The following SLCO5A1 variants were observed in gnomAD, a reference collection of about 807,000 sequenced individuals.
SLCO5A1 encodes solute carrier organic anion transporter family member 5A1.
A neutral mutation model predicts 65.1 loss-of-function variants in SLCO5A1; 39 were observed. The observed-to-expected ratio is 0.60, with a 90% CI of 0.46 to 0.78. The LOEUF is 0.78. Ranked by LOEUF, SLCO5A1 falls within the 30% of genes least tolerant of loss-of-function variation. SLCO5A1 has a pLI of 0.00. For synonymous variants in SLCO5A1, 438 were observed against 415.7 expected (o/e 1.05, Z -0.65); for missense variants, 1,029 against 1,069.4 (o/e 0.96, Z 0.53).
intron 2 of SLCO5A1, among the ~76,000 whole-genome samples, chr8:69,805,707 C>T (rs1447222211): frequency 6.6e-6 from 1 of 152,132 alleles, no homozygotes. Context: ...CCAATATATG[C>T]ACTAGAAATA....
chr8:69,790,191 CAAAAAAAA>C (rs374635955), intron 2 of SLCO5A1, among the ~76,000 whole-genome samples: 2 of 53,716 alleles, frequency 3.7e-5, no homozygotes, highest in African/African-American at 1.1e-4. Flanking sequence ...GACTCCTTCT[CAAAAAAAA>C]AAAAAAAAAA....
intron 5 of SLCO5A1, among the ~76,000 whole-genome samples, chr8:69,707,446 T>C (rs1815021211): frequency 6.6e-6 from 1 of 151,928 alleles, no homozygotes; most frequent in South Asian, 2.1e-4. Context: ...AATAACGAAA[T>C]TGAGGATTCA....
In SLCO5A1 at chr8:69,672,951, G is replaced by T. The variant is rs369446842; in HGVS notation, c.2465C>A (p.Pro822Gln). The T allele has an allele frequency of 1.4e-5, 23 of 1,614,074 alleles. No individual in the cohort carries two copies. The highest frequency in any genetic ancestry group is 1.1e-4 in the East Asian group (5 of 44,892). The change falls in exon 10 of 10, where the codon CCG becomes CAG. Residue 822 changes from proline to glutamine, a missense_variant. Physicochemically the swap from Pro to Gln is moderately conservative, Grantham distance 76. Coordinates refer to ENST00000260126, the MANE Select transcript of SLCO5A1 (RefSeq NM_030958.3). The part of the protein sequence containing the change: ...KGIQCAAQTY[P>Q]GPFPEAISSS... ...ACTTATTGCTTCTGGGAAGGGCCCC[G>T]GGTAGGTCTGTGCTGCGCACTGGAT...
chr8:69,710,407 A>G (rs2959569), intron 5 of SLCO5A1, among the ~76,000 whole-genome samples: 102,192 of 151,398 alleles, frequency 0.67, 35,212 homozygotes, highest in African/African-American at 0.81. Context: ...AAGTTTGGAT[A>G]GAAACTGACA....
At chr8:69,709,281 A>G (rs936951311) in intron 5 of SLCO5A1, among the ~76,000 whole-genome samples, 7 of 152,196 alleles carry the variant, frequency 4.6e-5, no homozygotes, top group Non-Finnish European at 1.0e-4. Flanking sequence ...AAAATAAACT[A>G]AAAAGGGAAT....
At chr8:69,695,482 C>T (rs950517316) in intron 6 of SLCO5A1, among the ~76,000 whole-genome samples, 14 of 151,206 alleles carry the variant, frequency 9.3e-5, no homozygotes, top group African/African-American at 2.7e-4. Flanking sequence ...GATGACAGAG[C>T]GAGATTCCGT....
chr8:69,766,642 C>G (rs1218902028), intron 2 of SLCO5A1, among the ~76,000 whole-genome samples: 1 of 152,216 alleles, frequency 6.6e-6, no homozygotes. Flanking sequence ...TGATGCCTGA[C>G]ATGGCCACCT....
intron 5 of SLCO5A1, among the ~76,000 whole-genome samples, chr8:69,707,214 G>C (rs117934105): frequency 6.6e-6 from 1 of 152,218 alleles, no homozygotes; most frequent in Non-Finnish European, 1.5e-5. Context: ...CAATCTGAAA[G>C]AGAAACAAAC....
chr8:69,813,670 T>C (rs756614191), intron 2 of SLCO5A1, among the ~76,000 whole-genome samples: 9 of 152,190 alleles, frequency 5.9e-5, no homozygotes, highest in Non-Finnish European at 2.9e-5. Context: ...GGGCTTCTAA[T>C]GGCTCAAGGA....
At chr8:69,770,932 G>T (rs1818292795) in intron 2 of SLCO5A1, among the ~76,000 whole-genome samples, 1 of 152,060 alleles carries the variant, frequency 6.6e-6, no homozygotes, top group African/African-American at 2.4e-5. Flanking sequence ...ACTTTCTCCT[G>T]CAGATTTAAC....
In SLCO5A1 at chr8:69,832,261, G is replaced by A. The variant is rs764942965; in HGVS notation, c.413C>T (p.Thr138Ile). Residue 138 changes from threonine (T) to isoleucine (I), a missense_variant, in exon 2 of 10, where the codon ACC becomes ATC. Transcript: ENST00000260126. The surrounding 1 kb of genome is among the most constrained non-coding windows in gnomAD (Gnocchi z 4.5). ...RCFLVCMCFLTFIQALMVSGY... is the reference protein window; with the variant it reads ...RCFLVCMCFLIFIQALMVSGY... ...AGAGACCATTAACGCCTGGATGAAGGTCAGAAAGCACATGCACACCAGGAA... is the reference window on the plus strand; with the variant it reads ...AGAGACCATTAACGCCTGGATGAAGATCAGAAAGCACATGCACACCAGGAA... The A allele has an allele frequency of 1.2e-6, 2 of 1,614,208 alleles. No individual in the cohort carries two copies. The highest frequency in any genetic ancestry group is 8.5e-7 in the Non-Finnish European group (1 of 1,180,034).
At chr8:69,808,920 C>A (rs1457464951) in intron 2 of SLCO5A1, among the ~76,000 whole-genome samples, 1 of 152,068 alleles carries the variant, frequency 6.6e-6, no homozygotes, top group South Asian at 2.1e-4. Context: ...GCCTGACCAA[C>A]ATGATGAAAT....
At chr8:69,781,470 GA>G (rs1158206352) in intron 2 of SLCO5A1, among the ~76,000 whole-genome samples, 2 of 152,172 alleles carry the variant, frequency 1.3e-5, no homozygotes, top group Non-Finnish European at 2.9e-5. Context: ...CTTGAATTCA[GA>G]GACATATTAG....
In SLCO5A1 at chr8:69,790,191, C is replaced by CAAA. The variant is rs374635955; in HGVS notation, c.908-28319_908-28317dup. On this transcript the variant is annotated intron_variant, in intron 2 of 9. Coordinates refer to ENST00000260126, the MANE Select transcript of SLCO5A1 (RefSeq NM_030958.3). ...TGGGCAACAGAGCGAGACTCCTTCT[C>CAAA]AAAAAAAAAAAAAAAAAAAAGGAGT... 1.3e-4 allele frequency among the ~76,000 whole-genome samples: 7 copies of CAAA among 53,696 alleles called. No individual in the cohort carries two copies. The East Asian group carries it at 2.5e-3, about 19-fold the overall frequency. The allele number at this position is 53,696 out of a possible 152,430, so 35.2% of individuals were successfully genotyped here. A position where few individuals can be genotyped will look rare whatever the true frequency, so the allele number is the denominator to read the frequency against.
intron 2 of SLCO5A1, 127 bp downstream of exon 2, chr8:69,831,639 TA>T: frequency 9.4e-7 from 1 of 1,064,308 alleles, no homozygotes; most frequent in Non-Finnish European, 1.3e-6. Context: ...GGCTAAAACG[TA>T]AAATAAAGTG....
chr8:69,786,637 G>A (rs576813868), intron 2 of SLCO5A1, among the ~76,000 whole-genome samples: 1 of 152,146 alleles, frequency 6.6e-6, no homozygotes, highest in South Asian at 2.1e-4. Flanking sequence ...TTCATGATTT[G>A]GCAAATGTGG....
chr8:69,708,774 T>G (rs1486177224), intron 5 of SLCO5A1, among the ~76,000 whole-genome samples: 1 of 151,820 alleles, frequency 6.6e-6, no homozygotes, highest in East Asian at 1.9e-4. Flanking sequence ...CTTGGTGGCA[T>G]ATGCCTGTAA....
At chr8:69,757,329 TG>T (rs1393771034) in intron 3 of SLCO5A1, among the ~76,000 whole-genome samples, 4 of 152,152 alleles carry the variant, frequency 2.6e-5, no homozygotes, top group Non-Finnish European at 5.9e-5. Flanking sequence ...AAAAACATGC[TG>T]AATAAATAAA....
At chr8:69,712,970 A>C (rs1223705832) in intron 5 of SLCO5A1, among the ~76,000 whole-genome samples, 1 of 152,252 alleles carries the variant, frequency 6.6e-6, no homozygotes, top group East Asian at 1.9e-4. Context: ...AATTGCTAAA[A>C]TCAGTTTAAA....
Sources: allele counts gnomAD v4.1 joint callset (sites outside exome capture counted in the v4.1 genomes callset), GRCh38; gene constraint gnomAD v4.1.1; non-coding constraint Gnocchi (gnomAD v3.1); transcripts MANE v1.5; gene names NCBI Gene and HGNC (gene_info 2026-07-23, HGNC 2026-07-21).